MAP4K3: variants seen among roughly 807,000 people sequenced by gnomAD.
The protein encoded by MAP4K3 is MAPK/ERK kinase kinase kinase 3.
In MAP4K3, 94 loss-of-function variants were observed where a neutral mutation model predicts 143.5. The ratio of observed to expected loss-of-function variants is 0.65; its 90% confidence interval spans 0.55 to 0.78. The LOEUF (loss-of-function observed/expected upper bound fraction) is 0.78. Ranked by LOEUF, MAP4K3 falls within the 30% of genes least tolerant of loss-of-function variation. The probability of loss-of-function intolerance (pLI) is 0.00; values close to 1 mark genes in which losing one functional copy is unlikely to be tolerated. For missense variants in MAP4K3, 1,077 were observed against 1,068.1 expected, an observed-to-expected ratio of 1.01 and a Z score of -0.12; for synonymous variants, 416 against 347.2, an observed-to-expected ratio of 1.20 and a Z score of -2.20.
intron 2 of MAP4K3, among the ~76,000 whole-genome samples, chr2:39,369,616 A>G (rs986195310): frequency 1.3e-5 from 2 of 151,986 alleles, no homozygotes; most frequent in African/African-American, 4.8e-5. Flanking sequence ...CATGTGGAAT[A>G]CCCTCCATTC....
chr2:39,353,395 A>T (rs11893648), intron 3 of MAP4K3, among the ~76,000 whole-genome samples: 2,480 of 152,320 alleles, frequency 0.016, 66 homozygotes, highest in African/African-American at 0.056. Flanking sequence ...ATTTACCTTC[A>T]AATCACTTTG....
intron 1 of MAP4K3, chr2:39,379,655 C>T (rs920547607): frequency 1.2e-5 from 2 of 162,954 alleles, no homozygotes; most frequent in Non-Finnish European, 2.9e-5. Context: ...TCTCCTCACA[C>T]TTTGATATCT....
intron 16 of MAP4K3, among the ~76,000 whole-genome samples, chr2:39,298,367 T>C (rs1340913612): frequency 6.6e-6 from 1 of 152,106 alleles, no homozygotes; most frequent in Non-Finnish European, 1.5e-5. Flanking sequence ...GACTTAATAA[T>C]AGTATCAAAG....
At chr2:39,410,854 A>G (rs1667214910) in intron 1 of MAP4K3, among the ~76,000 whole-genome samples, 1 of 152,208 alleles carries the variant, frequency 6.6e-6, no homozygotes, top group Non-Finnish European at 1.5e-5. Context: ...AAAGGCACAT[A>G]TGTCATAGTT....
At chr2:39,296,239 T>A (rs892037170) in intron 16 of MAP4K3, among the ~76,000 whole-genome samples, 2 of 152,228 alleles carry the variant, frequency 1.3e-5, no homozygotes, top group Non-Finnish European at 2.9e-5. Context: ...GATGCATGAT[T>A]TACTTTTTAG....
At chr2:39,329,674 C>T (rs1047182325) in intron 8 of MAP4K3, among the ~76,000 whole-genome samples, 4 of 151,992 alleles carry the variant, frequency 2.6e-5, no homozygotes, top group African/African-American at 7.3e-5. Flanking sequence ...AGGACCAAGA[C>T]GAAGAAGAGA....
intron 1 of MAP4K3, among the ~76,000 whole-genome samples, chr2:39,422,284 A>AT (rs1295880276): frequency 6.6e-6 from 1 of 152,070 alleles, no homozygotes; most frequent in Non-Finnish European, 1.5e-5. Flanking sequence ...CTGAACAGCA[A>AT]TTATACCCTC....
intron 8 of MAP4K3, 35 bp downstream of exon 8, chr2:39,331,882 A>G (rs1239343339): frequency 1.5e-6 from 2 of 1,343,252 alleles, no homozygotes; most frequent in African/African-American, 2.9e-5. Flanking sequence ...ATAATGATAG[A>G]ACAAAGTATT....
At chr2:39,381,919 C>T (rs1437044187) in intron 1 of MAP4K3, among the ~76,000 whole-genome samples, 2 of 152,146 alleles carry the variant, frequency 1.3e-5, no homozygotes, top group African/African-American at 4.8e-5. Flanking sequence ...TGGTCTCACA[C>T]CTTATTTCAG....
chr2:39,286,048 CT>C (rs1681760748), intron 21 of MAP4K3, among the ~76,000 whole-genome samples: 1 of 152,198 alleles, frequency 6.6e-6, no homozygotes, highest in African/African-American at 2.4e-5. Flanking sequence ...AGCAATGTCA[CT>C]ACTTATGTAA....
intron 26 of MAP4K3, among the ~76,000 whole-genome samples, chr2:39,268,206 A>C (rs1269667589): frequency 6.6e-6 from 1 of 152,222 alleles, no homozygotes; most frequent in African/African-American, 2.4e-5. Flanking sequence ...ACTACAATTT[A>C]AAAACTACAC....
chr2:39,425,841 T>C (rs376852697), intron 1 of MAP4K3, among the ~76,000 whole-genome samples: 2 of 152,088 alleles, frequency 1.3e-5, no homozygotes, highest in African/African-American at 4.8e-5. Flanking sequence ...TAAACAAAAA[T>C]AGTTCTTCAC....
rs188378150 is a variant in MAP4K3, at chr2:39,389,907, A to G, written c.97-11784T>C. On this transcript the variant is annotated intron_variant, in intron 1 of 33. Transcript: ENST00000263881. ...AATAATGTCTATGCAATTTTTAAAAAACTAGAACTCAAATATGGAGCAAAA... is the reference window on the plus strand; with the variant it reads ...AATAATGTCTATGCAATTTTTAAAAGACTAGAACTCAAATATGGAGCAAAA... Among the ~76,000 whole-genome samples, 12 of 152,344 alleles carry G rather than the reference A, an allele frequency of 7.9e-5. No homozygotes were observed. The East Asian group carries it at 1.9e-3, about 24-fold the overall frequency.
At chr2:39,435,829 T>C (rs1232670864) in intron 1 of MAP4K3, among the ~76,000 whole-genome samples, 2 of 152,206 alleles carry the variant, frequency 1.3e-5, no homozygotes, top group Non-Finnish European at 2.9e-5. Context: ...AAGTAGATCA[T>C]CCAGAAAATC....
rs560348807 is a variant in MAP4K3, at chr2:39,271,376, C to T, written c.1973+907G>A. ...GAGAACAGCAGATTCTCAAGGTACTCGAAAATTAAGGTTTTATGTTAGTTG... is the reference window on the plus strand; with the variant it reads ...GAGAACAGCAGATTCTCAAGGTACTTGAAAATTAAGGTTTTATGTTAGTTG... On this transcript the variant is annotated intron_variant, in intron 26 of 33. Coordinates refer to ENST00000263881, the MANE Select transcript of MAP4K3 (RefSeq NM_003618.4). Among the ~76,000 whole-genome samples, 6 of 151,884 alleles carry T rather than the reference C, an allele frequency of 4.0e-5. No homozygotes were observed. In the East Asian group the frequency reaches 5.8e-4, roughly 15 times the overall value.
chr2:39,271,359 C>G (rs1422992847), intron 26 of MAP4K3, among the ~76,000 whole-genome samples: 1 of 152,050 alleles, frequency 6.6e-6, no homozygotes, highest in East Asian at 1.9e-4. Flanking sequence ...TTGAGAACAG[C>G]AGATTCTCAA....
At chr2:39,306,715 C>T (rs2148495863) in intron 15 of MAP4K3, among the ~76,000 whole-genome samples, 1 of 152,352 alleles carries the variant, frequency 6.6e-6, no homozygotes, top group South Asian at 2.1e-4. Context: ...TCTGTGCTGG[C>T]AACTGTTTCC....
intron 26 of MAP4K3, among the ~76,000 whole-genome samples, chr2:39,269,238 C>T (rs1680910511): frequency 1.3e-5 from 2 of 151,790 alleles, no homozygotes; most frequent in African/African-American, 4.8e-5. Flanking sequence ...ACACAATTGG[C>T]AACTGAATGA....
chr2:39,363,853 G>A (rs1665840360), intron 2 of MAP4K3, among the ~76,000 whole-genome samples: 1 of 150,760 alleles, frequency 6.6e-6, no homozygotes. Flanking sequence ...TAAGAGCAAA[G>A]GACTTGAACA....
Sources: allele counts gnomAD v4.1 joint callset (sites outside exome capture counted in the v4.1 genomes callset), GRCh38; gene constraint gnomAD v4.1.1; transcripts MANE v1.5; gene names NCBI Gene and HGNC (gene_info 2026-07-23, HGNC 2026-07-21).